The following MECOM variants were observed in gnomAD, a reference collection of about 807,000 sequenced individuals.
MECOM encodes MDS1 and EVI1 complex locus, also known as histone-lysine N-methyltransferase MECOM.
MECOM carries 13 observed loss-of-function variants against 116.3 expected under a neutral mutation model. The observed-to-expected ratio is 0.11, with a 90% CI of 0.07 to 0.18. The LOEUF (loss-of-function observed/expected upper bound fraction) is 0.18. Among genes scored for constraint, MECOM ranks in the 10% least tolerant of loss-of-function variants. The pLI is 1.00. For missense variants in MECOM, 1,299 were observed against 1,509.0 expected, an observed-to-expected ratio of 0.86 and a Z score of 2.31; for synonymous variants, 528 against 535.2, an observed-to-expected ratio of 0.99 and a Z score of 0.19.
At chr3:169,169,634 TA>T (rs78738051) in intron 2 of MECOM, among the ~76,000 whole-genome samples, 10,705 of 152,008 alleles carry the variant, frequency 0.07, 484 homozygotes, top group South Asian at 0.19. Context: ...CTCTTGTACT[TA>T]AAAAAAACCT....
Position 169,220,338 on chromosome 3 carries a change from C to T in MECOM, c.376-76506G>A, listed in dbSNP as rs559169412. 2.6e-5 allele frequency among the ~76,000 whole-genome samples: 4 copies of T among 152,256 alleles called. No individual in the cohort carries two copies. The South Asian group carries it at 8.3e-4, about 32-fold the overall frequency. On this transcript the variant is annotated intron_variant, in intron 2 of 16. Transcript: ENST00000651503. ...CAAGCAAAAAGAAAAGAAAAGAACA[C>T]TTACTTGCTTCTTTTCTCAAATATT...
chr3:169,632,524 C>T (rs1772217557), intron 1 of MECOM, among the ~76,000 whole-genome samples: 1 of 152,156 alleles, frequency 6.6e-6, no homozygotes, highest in African/African-American at 2.4e-5. Context: ...CTCTATTTTA[C>T]ACATGGGCTA....
At chr3:169,624,527 C>T (rs78370204) in intron 1 of MECOM, among the ~76,000 whole-genome samples, 2,785 of 152,310 alleles carry the variant, frequency 0.018, 84 homozygotes, top group African/African-American at 0.064. Context: ...CCGCCTTCCA[C>T]TGAAAGGCCA....
rs984138811 is a variant in MECOM at position 169,084,048 on chromosome 3, G to A, written c.*861C>T. On this transcript the variant is annotated 3_prime_UTR_variant, in exon 17 of 17. Transcript: ENST00000651503. ...ATTCGGAAAGGGGTGTGCCTCAGAC[G>A]TCATAAAGTAGTGGCTGACTGGAAC... The A allele has an allele frequency of 2.3e-4, 52 of 230,862 alleles. 1 individual carries two copies. In the East Asian group the frequency reaches 2.8e-3, roughly 13 times the overall value. The allele number at this position is 230,862 out of a possible 1,614,324, so 14.3% of individuals were successfully genotyped here.
At chr3:169,266,421 A>G (rs578125039) in intron 2 of MECOM, among the ~76,000 whole-genome samples, 1 of 152,342 alleles carries the variant, frequency 6.6e-6, no homozygotes, top group African/African-American at 2.4e-5. Flanking sequence ...TTAAACGTAC[A>G]GGGCAAAATA....
At position 169,115,920 on chromosome 3, in the gene MECOM, T is replaced by C; in HGVS notation, c.1952A>G (p.Gln651Arg). 1 of 1,614,128 alleles carries C rather than the reference T, an allele frequency of 6.2e-7. No individual in the cohort carries two copies. The highest frequency in any genetic ancestry group is 8.5e-7 in the Non-Finnish European group (1 of 1,180,030). Reference protein sequence around the residue: ...HSIFSPSLEEQTAVSGAVNDS... With the variant: ...HSIFSPSLEERTAVSGAVNDS... ...ATTCACAGCTCCTGACACCGCAGTC[T>C]GCTCCTCTAAAGATGGTGAGAAAAT... Residue 651 changes from glutamine to arginine, a missense_variant, in exon 8 of 17, where the codon CAG (glutamine) becomes CGG (arginine). Gln to Arg is a conservative substitution (Grantham distance 43, BLOSUM62 1). Transcript: ENST00000651503.
chr3:169,148,215 T>G (rs1249071422), intron 2 of MECOM, among the ~76,000 whole-genome samples: 1 of 151,986 alleles, frequency 6.6e-6, no homozygotes, highest in African/African-American at 2.4e-5. Flanking sequence ...GTCTGGTGAG[T>G]CTTTGCCATT....
chr3:169,221,608 C>A (rs1218432385), intron 2 of MECOM, among the ~76,000 whole-genome samples: 3 of 150,496 alleles, frequency 2.0e-5, no homozygotes, highest in Non-Finnish European at 2.9e-5. Flanking sequence ...CTGGAAGTCA[C>A]TCTGGTCTGG....
chr3:169,353,649 G>T (rs1164764544), intron 2 of MECOM, among the ~76,000 whole-genome samples: 1 of 151,932 alleles, frequency 6.6e-6, no homozygotes, highest in East Asian at 1.9e-4. Context: ...AAACATTAGA[G>T]AGGGAAATAA....
chr3:169,578,692 C>T (rs997112899), intron 1 of MECOM, among the ~76,000 whole-genome samples: 1 of 152,038 alleles, frequency 6.6e-6, no homozygotes, highest in African/African-American at 2.4e-5. Context: ...GTGTGTGTTG[C>T]ATGTATTTAA....
intron 2 of MECOM, among the ~76,000 whole-genome samples, chr3:169,182,552 A>C (rs930531021): frequency 2.6e-5 from 4 of 152,218 alleles, no homozygotes; most frequent in African/African-American, 9.6e-5. Context: ...AGAACTCACA[A>C]GTGTAGAGAA....
intron 1 of MECOM, among the ~76,000 whole-genome samples, chr3:169,412,238 A>G (rs1737672372): frequency 6.7e-6 from 1 of 150,300 alleles, no homozygotes; most frequent in African/African-American, 2.5e-5. Flanking sequence ...GTGAGCCAAG[A>G]TTGCGCCACT....
chr3:169,191,473 G>T (rs1747538625), intron 2 of MECOM, among the ~76,000 whole-genome samples: 1 of 151,886 alleles, frequency 6.6e-6, no homozygotes, highest in South Asian at 2.1e-4. Context: ...GATGGAGGAG[G>T]ACAATAAAGG....
intron 2 of MECOM, among the ~76,000 whole-genome samples, chr3:169,296,556 T>C (rs1452209197): frequency 5.3e-5 from 8 of 152,308 alleles, no homozygotes; most frequent in South Asian, 2.1e-4. Flanking sequence ...ATTAGCTACA[T>C]GGGCAGAGTT....
intron 2 of MECOM, among the ~76,000 whole-genome samples, chr3:169,157,036 T>C (rs1218518491): frequency 6.6e-6 from 1 of 152,184 alleles, no homozygotes; most frequent in East Asian, 1.9e-4. Context: ...ACTAATGTTG[T>C]TCCAGATGAA....
intron 2 of MECOM, among the ~76,000 whole-genome samples, chr3:169,210,415 C>T (rs1265980719): frequency 1.3e-5 from 2 of 152,020 alleles, no homozygotes; most frequent in Non-Finnish European, 2.9e-5. Context: ...TCTGAAAACA[C>T]GGCGGCATTA....
chr3:169,422,422 T>C (rs1739919145), intron 1 of MECOM, among the ~76,000 whole-genome samples: 1 of 152,102 alleles, frequency 6.6e-6, no homozygotes, highest in Non-Finnish European at 1.5e-5. Context: ...AAACAAAATA[T>C]GTTATTCATA....
chr3:169,332,855 T>C (rs1400958636), intron 2 of MECOM, among the ~76,000 whole-genome samples: 1 of 152,150 alleles, frequency 6.6e-6, no homozygotes, highest in African/African-American at 2.4e-5. Context: ...TAAGTTAATT[T>C]CACTGGCAAA....
At chr3:169,577,012 C>T (rs560167189) in intron 1 of MECOM, among the ~76,000 whole-genome samples, 93 of 152,264 alleles carry the variant, frequency 6.1e-4, no homozygotes, top group African/African-American at 2.2e-3. Context: ...CTACTTTAGA[C>T]ATGGTTTAGT....
Sources: allele counts gnomAD v4.1 joint callset (sites outside exome capture counted in the v4.1 genomes callset), GRCh38; gene constraint gnomAD v4.1.1; transcripts MANE v1.5; gene names NCBI Gene and HGNC (gene_info 2026-07-23, HGNC 2026-07-21).